Variants in SLC4A4 observed in about 807,000 individuals in gnomAD.
SLC4A4 encodes electrogenic sodium bicarbonate cotransporter 1.
Under a neutral mutation model 111.5 loss-of-function variants are expected in SLC4A4, and 27 were observed. The observed-to-expected ratio is 0.24, with a 90% CI of 0.18 to 0.33. The LOEUF (loss-of-function observed/expected upper bound fraction) is 0.33. Ranked by LOEUF, SLC4A4 falls within the 10% of genes least tolerant of loss-of-function variation. SLC4A4 has a pLI of 1.00. For synonymous variants in SLC4A4, 443 were observed against 463.4 expected, an observed-to-expected ratio of 0.96 and a Z score of 0.57; for missense variants, 909 against 1,315.5, an observed-to-expected ratio of 0.69 and a Z score of 4.78.
intron 12 of SLC4A4, 62 bp from the exon 13 acceptor site, chr4:71,466,382 A>AATATACTTCT: frequency 6.3e-7 from 1 of 1,594,830 alleles, no homozygotes; most frequent in South Asian, 1.1e-5. Flanking sequence ...TTGCCTAGTG[A>AATATACTTCT]CATCACAAAT....
intron 3 of SLC4A4, among the ~76,000 whole-genome samples, chr4:71,318,804 T>A (rs1361137104): frequency 6.6e-6 from 1 of 151,846 alleles, no homozygotes; most frequent in African/African-American, 2.4e-5. Flanking sequence ...TTTAGGTTCT[T>A]GTTCTGAAAA....
At chr4:71,168,458 C>T (rs1744843784) in intron 2 of SLC4A4, among the ~76,000 whole-genome samples, 1 of 152,144 alleles carries the variant, frequency 6.6e-6, no homozygotes, top group Admixed American at 6.5e-5. Flanking sequence ...GCTGGGATTA[C>T]AGGCGTGAGC....
intron 1 of SLC4A4, among the ~76,000 whole-genome samples, chr4:71,221,177 T>C (rs1345263250): frequency 6.6e-6 from 1 of 152,230 alleles, no homozygotes; most frequent in Non-Finnish European, 1.5e-5. Context: ...GCAGTGAACA[T>C]TCATGTGCAT....
intron 16 of SLC4A4, among the ~76,000 whole-genome samples, chr4:71,505,146 T>C (rs1216385955): frequency 6.6e-6 from 1 of 152,182 alleles, no homozygotes; most frequent in Non-Finnish European, 1.5e-5. Flanking sequence ...GGCTTTTAGG[T>C]TGATTCCATG....
At chr4:71,164,380 CAAAA>C (rs766735805) in intron 2 of SLC4A4, among the ~76,000 whole-genome samples, 4 of 65,088 alleles carry the variant, frequency 6.1e-5, no homozygotes, top group Non-Finnish European at 6.7e-5. Context: ...ACTCTGTCTC[CAAAA>C]AAAAAAAAAA....
chr4:71,231,879 G>T (rs1409702279), intron 1 of SLC4A4, among the ~76,000 whole-genome samples: 1 of 152,188 alleles, frequency 6.6e-6, no homozygotes, highest in African/African-American at 2.4e-5. Flanking sequence ...TATTTTAAAA[G>T]ATATCTCTGT....
rs564704876 is a variant in SLC4A4, at chr4:71,376,075, G to GTA, written c.730+18897_730+18898dup. ...CACGTATATATATATACATATACAC[G>GTA]TATATATATACATATATACGTGTGT... On this transcript the variant is annotated intron_variant, in intron 6 of 25. Transcript: ENST00000264485. Among the ~76,000 whole-genome samples, 210 of 120,178 alleles carry GTA rather than the reference G, an allele frequency of 1.7e-3. 3 individuals carry two copies. The highest frequency in any genetic ancestry group is 6.9e-3 in the African/African-American group (198 of 28,824). 78.8% of individuals were successfully genotyped at this position (120,178 alleles called of 152,430 possible). A position where few individuals can be genotyped will look rare whatever the true frequency, so the allele number is the denominator to read the frequency against.
chr4:71,343,889 C>G (rs1463949123), intron 4 of SLC4A4, among the ~76,000 whole-genome samples: 1 of 152,060 alleles, frequency 6.6e-6, no homozygotes, highest in African/African-American at 2.4e-5. Flanking sequence ...ACTTGTTGTT[C>G]CCTCTGTCTG....
At chr4:71,408,950 T>C (rs1378167241) in intron 7 of SLC4A4, among the ~76,000 whole-genome samples, 4 of 152,212 alleles carry the variant, frequency 2.6e-5, no homozygotes, top group Admixed American at 2.6e-4. Context: ...TCTATTCTCA[T>C]GATAGTGAAT....
At chr4:71,508,032 A>C (rs971395205) in intron 16 of SLC4A4, among the ~76,000 whole-genome samples, 1 of 152,204 alleles carries the variant, frequency 6.6e-6, no homozygotes, top group Non-Finnish European at 1.5e-5. Context: ...AGTTCTTTGA[A>C]ACTAATCAGA....
intron 2 of SLC4A4, among the ~76,000 whole-genome samples, chr4:71,135,927 C>T (rs945960727): frequency 7.2e-5 from 11 of 152,202 alleles, no homozygotes; most frequent in African/African-American, 2.7e-4. Flanking sequence ...CCTGAAAGAA[C>T]GCAGTATTTT....
chr4:71,083,045 G>T (rs570548281), intron 1 of SLC4A4, among the ~76,000 whole-genome samples: 1 of 151,892 alleles, frequency 6.6e-6, no homozygotes, highest in South Asian at 2.1e-4. Flanking sequence ...TAGAGACGGG[G>T]CTTCACCATG....
At chr4:71,431,756 T>C (rs1236973078) in intron 7 of SLC4A4, among the ~76,000 whole-genome samples, 1 of 152,158 alleles carries the variant, frequency 6.6e-6, no homozygotes, top group Admixed American at 6.6e-5. Context: ...GTGATTGTAG[T>C]ACTGGTAAAA....
chr4:71,076,856 T>A (rs1364699045), intron 1 of SLC4A4, among the ~76,000 whole-genome samples: 1 of 151,600 alleles, frequency 6.6e-6, no homozygotes, highest in Non-Finnish European at 1.5e-5. Flanking sequence ...CCTGGCATGA[T>A]GGAGAGGGCT....
chr4:71,147,337 G>C (rs901413787), intron 2 of SLC4A4, among the ~76,000 whole-genome samples: 16 of 151,534 alleles, frequency 1.1e-4, no homozygotes, highest in African/African-American at 3.6e-4. Flanking sequence ...TGCTCTTCCT[G>C]TCTTCTTTTC....
chr4:71,162,413 T>C (rs1744638523), intron 2 of SLC4A4, among the ~76,000 whole-genome samples: 1 of 152,190 alleles, frequency 6.6e-6, no homozygotes, highest in Admixed American at 6.5e-5. Flanking sequence ...AGTAGGACAG[T>C]TACATCCTGT....
intron 2 of SLC4A4, among the ~76,000 whole-genome samples, chr4:71,098,478 C>G (rs572939461): frequency 2.0e-5 from 3 of 152,226 alleles, no homozygotes; most frequent in Admixed American, 6.5e-5. Flanking sequence ...CAGCTTTGTT[C>G]TTTTTGCTTA....
intron 3 of SLC4A4, among the ~76,000 whole-genome samples, chr4:71,259,346 G>T (rs563715691): frequency 5.3e-5 from 8 of 151,996 alleles, no homozygotes; most frequent in African/African-American, 1.9e-4. Flanking sequence ...AGGAGGAAGC[G>T]AGCTAGCTTC....
chr4:71,231,615 T>G (rs1719428968), intron 1 of SLC4A4, among the ~76,000 whole-genome samples: 1 of 152,208 alleles, frequency 6.6e-6, no homozygotes, highest in Non-Finnish European at 1.5e-5. Context: ...GAGTGGATTT[T>G]ATACTGACTG....
Sources: gnomAD v4.1 joint callset for allele counts (sites outside exome capture counted in the v4.1 genomes callset) on GRCh38, gnomAD v4.1.1 for gene constraint, MANE v1.5 for transcripts, NCBI Gene and HGNC (gene_info 2026-07-23, HGNC 2026-07-21) for gene names.